The following ARHGEF1 variants were observed in gnomAD, a reference collection of about 807,000 sequenced individuals.
ARHGEF1 encodes Rho guanine nucleotide exchange factor 1, also known as 115 kDa guanine nucleotide exchange factor.
Under a neutral mutation model 119.7 loss-of-function variants are expected in ARHGEF1, and 40 were observed. The observed-to-expected ratio is 0.33, with a 90% CI of 0.26 to 0.44. The LOEUF is 0.44. ARHGEF1 is among the 20% of genes least tolerant of loss of function. ARHGEF1 has a pLI of 1.00. For missense variants in ARHGEF1, 976 were observed against 1,268.3 expected (o/e 0.77, Z 3.50); for synonymous variants, 494 against 521.0 (o/e 0.95, Z 0.71).
rs1273756493 is a variant in ARHGEF1 at position 41,892,487 on chromosome 19, C to A, written c.367+114C>A. The A allele has an allele frequency of 1.2e-5, 19 of 1,588,382 alleles. No individual in the cohort carries two copies. The highest frequency in any genetic ancestry group is 1.3e-5 in the Non-Finnish European group (15 of 1,161,726). ...TCTGCTCGGACAGCCGAGATTCATT[C>A]ATTCCTTCTTGGCAGCGGCCTCAGG... On this transcript the variant is annotated intron_variant, in intron 6 of 28. Coordinates refer to ENST00000354532, the MANE Select transcript of ARHGEF1 (RefSeq NM_004706.4). This position sits in a 1 kb window ranked among gnomAD's most constrained non-coding sequence, Gnocchi z 6.3.
upstream of ARHGEF1, among the ~76,000 whole-genome samples, chr19:41,918,760 T>C (rs1262990308): frequency 7.4e-6 from 1 of 134,280 alleles, no homozygotes; most frequent in East Asian, 2.3e-4. Flanking sequence ...ACACCACATA[T>C]ACATCTACCA....
chr19:41,902,285 G>T lies in ARHGEF1; in HGVS notation c.1426G>T (p.Asp476Tyr), dbSNP rs372151277. The change falls in exon 16 of 29, where the codon GAT becomes TAT. Residue 476 changes from aspartate to tyrosine, a missense_variant. By Grantham distance (160) the Asp-to-Tyr change is radical (BLOSUM62 -3). Transcript: ENST00000354532. The surrounding 1 kb of genome is among the most constrained non-coding windows in gnomAD (Gnocchi z 6.5). ...ELIEVHSLFL[D>Y]RLMKRRQESG... Reference sequence around the variant, plus strand: ...TCCTGCCCCCACAGCCCTGTTCCTCGATCGCCTGATGAAGCGGAGGCAGGA... The same window carrying T: ...TCCTGCCCCCACAGCCCTGTTCCTCTATCGCCTGATGAAGCGGAGGCAGGA... 1 of 1,614,140 alleles carries T rather than the reference G, an allele frequency of 6.2e-7. No individual in the cohort carries two copies. Among genetic ancestry groups the T allele is most frequent in the Non-Finnish European group, 8.5e-7 (1 of 1,180,024 alleles).
At chr19:41,918,027 C>G (rs902020058) in intron 18 of ARHGEF1, among the ~76,000 whole-genome samples, 5 of 151,940 alleles carry the variant, frequency 3.3e-5, no homozygotes, top group Non-Finnish European at 5.9e-5. Context: ...ACCAGGAGAC[C>G]CTGTGCCTGT....
At chr19:41,898,771 G>A (rs1599652446) in intron 14 of ARHGEF1, among the ~76,000 whole-genome samples, 184 bp downstream of exon 14, 1 of 152,366 alleles carries the variant, frequency 6.6e-6, no homozygotes, top group Middle Eastern at 3.4e-3. Flanking sequence ...TTGATGGAAT[G>A]TGAATGCCAC....
chr19:41,902,610 G>C lies in ARHGEF1; in HGVS notation c.1575G>C (p.Gln525His), dbSNP rs1474029029. The change falls in exon 17 of 29, where the codon CAG becomes CAC. Residue 525 changes from glutamine to histidine, a missense_variant. By Grantham distance (24) the Gln-to-His change is conservative. Around this residue, in one of 3 missense-constraint regions of ARHGEF1, gnomAD observed 286 missense variants for 506.8 expected, o/e 0.56. Transcript: ENST00000354532. The surrounding 1 kb of genome is among the most constrained non-coding windows in gnomAD (Gnocchi z 6.5). ...GCCGCCAGTCATTTGCCTTAGAGCA[G>C]CTCAAAGCCAAGCAACGCAAGGACC... The part of the protein sequence containing the change: ...FCSRQSFALE[Q>H]LKAKQRKDPR... 1 of 1,614,104 alleles carries C rather than the reference G, an allele frequency of 6.2e-7. No homozygotes were observed. The highest frequency in any genetic ancestry group is 8.5e-7 in the Non-Finnish European group (1 of 1,180,046).
Position 41,888,211 on chromosome 19 carries a change from G to A in ARHGEF1, c.44G>A (p.Arg15Gln), listed in dbSNP as rs781793490. Residue 15 changes from arginine (R) to glutamine (Q), a missense_variant, in exon 3 of 29, where the codon CGG becomes CAG. Physicochemically the swap from Arg to Gln is conservative, Grantham distance 43. Transcript: ENST00000354532. This position sits in a 1 kb window ranked among gnomAD's most constrained non-coding sequence, Gnocchi z 5.1. ...ARGAASPGPS[R>Q]PGLVPVSIIG... ...CCACAGGCCTCCCCAGGCCCCTCCC[G>A]GCCTGGCCTGGTTCCCGTCAGCATC... 3.7e-6 allele frequency: 6 copies of A among 1,614,020 alleles called. No individual in the cohort carries two copies. Among genetic ancestry groups the A allele is most frequent in the Non-Finnish European group, 5.1e-6 (6 of 1,179,970 alleles).
At chr19:41,885,695 C>T (rs1426755213) in intron 1 of ARHGEF1, among the ~76,000 whole-genome samples, 2 of 152,066 alleles carry the variant, frequency 1.3e-5, no homozygotes, top group East Asian at 1.9e-4. Flanking sequence ...CTCTTGACTT[C>T]GTGATCCGCC....
Position 41,889,075 on chromosome 19 carries a change from C to A in ARHGEF1, c.225+210C>A. ...AGGCTTACAAGTGCCCAGGGTAGATCTCAGTGCGCAGCGGGCAGGGTACAC... is the reference window on the plus strand; with the variant it reads ...AGGCTTACAAGTGCCCAGGGTAGATATCAGTGCGCAGCGGGCAGGGTACAC... On this transcript the variant is annotated intron_variant, in intron 4 of 28. Coordinates refer to ENST00000354532, the MANE Select transcript of ARHGEF1 (RefSeq NM_004706.4). The surrounding 1 kb of genome is among the most constrained non-coding windows in gnomAD (Gnocchi z 4.0). The A allele has an allele frequency of 1.8e-6, 1 of 542,710 alleles. No individual in the cohort carries two copies. The highest frequency in any genetic ancestry group is 3.3e-6 in the Non-Finnish European group (1 of 302,048). 33.6% of individuals were successfully genotyped at this position (542,710 alleles called of 1,614,324 possible).
In ARHGEF1 at chr19:41,903,024, C is replaced by T. The variant is rs1305528317; in HGVS notation, c.1738+126C>T. ...GCCTCAACCTCCCAGGATCTACCAT[C>T]CTCCCACCTCAGCTCCCCAAGTAGC... On this transcript the variant is annotated intron_variant, in intron 18 of 28. Transcript: ENST00000354532. The surrounding 1 kb of genome is among the most constrained non-coding windows in gnomAD (Gnocchi z 4.2). The T allele has an allele frequency of 6.2e-6, 5 of 807,494 alleles. No homozygotes were observed. The highest frequency in any genetic ancestry group is 9.5e-6 in the Non-Finnish European group (5 of 524,346). 50.0% of individuals were successfully genotyped at this position (807,494 alleles called of 1,614,324 possible).
At chr19:41,929,110 G>A in intron 2 of ARHGEF1, 1 of 296,186 alleles carries the variant, frequency 3.4e-6, no homozygotes, top group Non-Finnish European at 6.9e-6. Flanking sequence ...TACAGGAAGT[G>A]GAAACACAAC....
rs1440664104 is a variant in ARHGEF1, at chr19:41,886,925, TAGTC to T, written c.-19-1136_-19-1133del. Among the ~76,000 whole-genome samples, 4 of 152,304 alleles carry T rather than the reference TAGTC, an allele frequency of 2.6e-5. No individual in the cohort carries two copies. In the East Asian group the frequency reaches 5.8e-4, roughly 22 times the overall value. ...CCACCTGACACGGGCTCCGTGGCAT[TAGTC>T]AGACTAATTAAGGACACAGAAGATG... On this transcript the variant is annotated intron_variant, in intron 1 of 28. Coordinates refer to ENST00000354532, the MANE Select transcript of ARHGEF1 (RefSeq NM_004706.4).
chr19:41,890,429 T>C (rs782802028), intron 4 of ARHGEF1: 1 of 151,148 alleles, frequency 6.6e-6, no homozygotes, highest in Non-Finnish European at 1.5e-5. Flanking sequence ...GTAGATCACT[T>C]GAGATCAAGA....
intron 13 of ARHGEF1, 53 bp from the exon 14 acceptor site, chr19:41,898,389 G>C (rs1363234837): frequency 2.6e-6 from 4 of 1,549,124 alleles, no homozygotes; most frequent in East Asian, 4.9e-5. Flanking sequence ...GAGGCTGAAG[G>C]CTGCTTCTTG....
rs572021919 is a variant in ARHGEF1, at chr19:41,916,838, C to T, written c.1866-6254C>T. Among the ~76,000 whole-genome samples the T allele has an allele frequency of 1.2e-4, 15 of 127,406 alleles. No individual in the cohort carries two copies. Among genetic ancestry groups the T allele is most frequent in the African/African-American group, 3.7e-4 (7 of 18,796 alleles). The allele number at this position is 127,406 out of a possible 152,430, so 83.6% of individuals were successfully genotyped here. ...CACCAAGATCACGGACCCAAACATA[C>T]GACCGACAGCGGCCCCTGCAGAGGT... On this transcript the variant is annotated intron_variant, in intron 18 of 20. Transcript: ENST00000599589. The surrounding 1 kb of genome is among the most constrained non-coding windows in gnomAD (Gnocchi z 5.4).
chr19:41,905,203 G>A lies in ARHGEF1; in HGVS notation c.2278G>A (p.Gly760Arg). Residue 760 changes from glycine to arginine, a missense_variant, in exon 24 of 29, where the codon GGA (glycine) becomes AGA (arginine). Around this residue, in one of 3 missense-constraint regions of ARHGEF1, gnomAD observed 286 missense variants for 506.8 expected, o/e 0.56. Transcript: ENST00000354532. The surrounding 1 kb of genome is among the most constrained non-coding windows in gnomAD (Gnocchi z 6.4). ...NWCALITETA[G>R]SLKVPAPASR... ...GTGTGCTCTCATCACTGAGACTGCC[G>A]GATCCCTGAAAGTCCCTGCCCCTGC... is the stretch of plus-strand genomic sequence containing the variant. 1 of 1,614,034 alleles carries A rather than the reference G, an allele frequency of 6.2e-7. No individual in the cohort carries two copies. The highest frequency in any genetic ancestry group is 1.3e-5 in the African/African-American group (1 of 75,038).
At chr19:41,885,250 A>G (rs1411116265) in intron 1 of ARHGEF1, among the ~76,000 whole-genome samples, 1 of 151,964 alleles carries the variant, frequency 6.6e-6, no homozygotes, top group Non-Finnish European at 1.5e-5. Flanking sequence ...CCTCGCCTCC[A>G]TCATCTCCAA....
downstream of ARHGEF1, chr19:41,909,520 C>T (rs1166547861): frequency 5.7e-6 from 7 of 1,233,364 alleles, no homozygotes; most frequent in Admixed American, 8.0e-5. This position sits in a 1 kb window ranked among gnomAD's most constrained non-coding sequence, Gnocchi z 5.2. Flanking sequence ...AGCCCTGGGG[C>T]GGGATCTGGG....
intron 4 of ARHGEF1, among the ~76,000 whole-genome samples, chr19:41,891,037 G>A (rs1188145226): frequency 6.6e-6 from 1 of 152,122 alleles, no homozygotes; most frequent in Non-Finnish European, 1.5e-5. Flanking sequence ...GAACAGGGGC[G>A]GGCACTCAGG....
rs1555848389 is a variant in ARHGEF1, at chr19:41,898,488, C to A, written c.1168C>A (p.Leu390Ile). The change falls in exon 14 of 29, where the codon CTT becomes ATT. Residue 390 changes from leucine (L) to isoleucine (I), a missense_variant. By Grantham distance (5) the Leu-to-Ile change is conservative (BLOSUM62 2). Coordinates refer to ENST00000354532, the MANE Select transcript of ARHGEF1 (RefSeq NM_004706.4). ...GGAGCCGGGGCGGTCGGGACTGGAG[C>A]TTGAACCAGAAGAGCCTCCCGGCTG... ...EGEPGRSGLE[L>I]EPEEPPGWRE... 1.3e-6 allele frequency: 2 copies of A among 1,552,100 alleles called. No homozygotes were observed. Among genetic ancestry groups the A allele is most frequent in the East Asian group, 2.4e-5 (1 of 41,088 alleles).
Sources: allele counts gnomAD v4.1 joint callset (sites outside exome capture counted in the v4.1 genomes callset), GRCh38; gene constraint gnomAD v4.1.1; regional missense constraint gnomAD v4.1.1; non-coding constraint Gnocchi (gnomAD v3.1); transcripts MANE v1.5; gene names NCBI Gene and HGNC (gene_info 2026-07-23, HGNC 2026-07-21).